ATAD2: variants seen among roughly 807,000 people sequenced by gnomAD.
The protein encoded by ATAD2 is ATPase family AAA domain-containing protein 2.
In ATAD2, 62 loss-of-function variants were observed where a neutral mutation model predicts 168.9. That is an observed-to-expected ratio of 0.37 (90% confidence interval 0.30 to 0.45). The LOEUF (loss-of-function observed/expected upper bound fraction) is 0.45, where lower values mean the gene tolerates loss of function less well. ATAD2 is among the 20% of genes least tolerant of loss of function. The pLI, the probability that ATAD2 is intolerant of heterozygous loss-of-function variation, is 1.00. For synonymous variants in ATAD2, 613 were observed against 571.6 expected (o/e 1.07, Z -1.03); for missense variants, 1,419 against 1,667.8 (o/e 0.85, Z 2.60).
intron 7 of ATAD2, 119 bp downstream of exon 7, chr8:123,369,702 G>C (rs1829080913): frequency 1.2e-6 from 1 of 821,498 alleles, no homozygotes; most frequent in South Asian, 1.8e-5. Context: ...CAACAGTAAT[G>C]AGTATTCAAC....
At chr8:123,356,643 T>G (rs995574140) in intron 12 of ATAD2, among the ~76,000 whole-genome samples, 166 bp from the exon 13 acceptor site, 5 of 151,674 alleles carry the variant, frequency 3.3e-5, no homozygotes, top group African/African-American at 7.3e-5. Flanking sequence ...TTACCAGAAT[T>G]TATATATAAT....
chr8:123,364,664 A>G (rs1000323600), intron 8 of ATAD2, among the ~76,000 whole-genome samples: 1 of 152,210 alleles, frequency 6.6e-6, no homozygotes, highest in African/African-American at 2.4e-5. Flanking sequence ...AACAGAATTA[A>G]AAACAAAAAT....
rs369653035 is a variant in ATAD2 at position 123,328,309 on chromosome 8, T to G, written c.3749A>C (p.Asn1250Thr). 1.2e-6 allele frequency: 2 copies of G among 1,606,196 alleles called. No homozygotes were observed. Among genetic ancestry groups the G allele is most frequent in the Non-Finnish European group, 1.7e-6 (2 of 1,177,414 alleles). Residue 1250 changes from asparagine (N) to threonine (T), a missense_variant, in exon 25 of 28, where the codon AAT becomes ACT. Coordinates refer to ENST00000287394, the MANE Select transcript of ATAD2 (RefSeq NM_014109.4). ...RNNSNTCNIENELEDSRKTTA... is the reference protein window; with the variant it reads ...RNNSNTCNIETELEDSRKTTA... ...AGTCTTCCTAGAGTCTTCAAGCTCA[T>G]TCTCTATATTACAAGTATTTGAATT...
intron 25 of ATAD2, among the ~76,000 whole-genome samples, chr8:123,326,896 T>G (rs1376516245): frequency 6.6e-6 from 1 of 151,956 alleles, no homozygotes; most frequent in African/African-American, 2.4e-5. Flanking sequence ...CCAGGAGAGG[T>G]GAAGAGACTT....
chr8:123,396,454 A>C, upstream of ATAD2: 1 of 1,310,158 alleles, frequency 7.6e-7, no homozygotes, highest in Non-Finnish European at 1.0e-6. Flanking sequence ...TTCTGGCGCC[A>C]CAAGCTCCGC....
intron 1 of ATAD2, chr8:123,401,605 C>G (rs1357873338): frequency 1.0e-5 from 12 of 1,179,712 alleles, no homozygotes; most frequent in Non-Finnish European, 1.5e-5. Flanking sequence ...CCCCAGGGCA[C>G]TGTGTGTACA....
At chr8:123,353,365 AAACAAC>A (rs554418047) in intron 13 of ATAD2, among the ~76,000 whole-genome samples, 4 of 152,032 alleles carry the variant, frequency 2.6e-5, no homozygotes, top group East Asian at 3.9e-4. Flanking sequence ...CTCTGTCACA[AAACAAC>A]AACAACAACA....
At position 123,396,321 on chromosome 8, in the gene ATAD2, G is replaced by C. The variant is rs767100869; in HGVS notation, c.37C>G (p.His13Asp). Reference sequence around the variant, plus strand: ...GAGCCCGTGGCCGAGGCCGCGGAGTGGTTGTGCAGCTCCAAGCTGCTGCGG... The same window carrying C: ...GAGCCCGTGGCCGAGGCCGCGGAGTCGTTGTGCAGCTCCAAGCTGCTGCGG... The part of the protein sequence containing the change: ...VLRSSLELHN[H>D]SAASATGSLD... The change falls in exon 1 of 28, where the codon CAC becomes GAC. Residue 13 changes from histidine (H) to aspartate (D), a missense_variant. His to Asp is a moderately conservative substitution (Grantham distance 81, BLOSUM62 -1). Around this residue, in one of 5 missense-constraint regions of ATAD2, gnomAD observed 419 missense variants for 423.5 expected, o/e 0.99. Coordinates refer to ENST00000287394, the MANE Select transcript of ATAD2 (RefSeq NM_014109.4). The C allele has an allele frequency of 1.0e-5, 16 of 1,607,214 alleles. No individual in the cohort carries two copies. Among genetic ancestry groups the C allele is most frequent in the Middle Eastern group, 3.4e-4 (2 of 5,962 alleles).
chr8:123,372,656 T>C lies in ATAD2; in HGVS notation c.351A>G (p.Lys117=). Residue 117 remains lysine (K), a synonymous_variant, in exon 3 of 28, where the codon AAA becomes AAG. Coordinates refer to ENST00000287394, the MANE Select transcript of ATAD2 (RefSeq NM_014109.4). The part of the protein sequence containing the change: ...RQLARQQADK[K]KEEHREDKVI... ...ACTTACCTTCTCTGTGCTCTTCTTTTTTTTTATCAGCCTGCTGTCTGGCCA... is the reference window on the plus strand; with the variant it reads ...ACTTACCTTCTCTGTGCTCTTCTTTCTTTTTATCAGCCTGCTGTCTGGCCA... 1 of 1,593,626 alleles carries C rather than the reference T, an allele frequency of 6.3e-7. No individual in the cohort carries two copies. Among genetic ancestry groups the C allele is most frequent in the Non-Finnish European group, 8.5e-7 (1 of 1,171,168 alleles).
At chr8:123,336,280 A>G (rs955628131) in intron 22 of ATAD2, 93 bp downstream of exon 22, 4 of 1,099,538 alleles carry the variant, frequency 3.6e-6, no homozygotes, top group Non-Finnish European at 5.1e-6. Context: ...TATTTTGATT[A>G]TGTTTATAAT....
At chr8:123,395,437 CTA>C (rs1011344255) in intron 1 of ATAD2, among the ~76,000 whole-genome samples, 4 of 152,190 alleles carry the variant, frequency 2.6e-5, no homozygotes, top group Non-Finnish European at 5.9e-5. Flanking sequence ...CAAACTTCCC[CTA>C]TAGACACTGC....
At position 123,320,208 on chromosome 8, in the gene ATAD2, C is replaced by T. The variant is rs961774428; in HGVS notation, c.*926G>A. 6.6e-6 allele frequency: 1 copy of T among 152,042 alleles called. No individual in the cohort carries two copies. Among genetic ancestry groups the T allele is most frequent in the Non-Finnish European group, 1.5e-5 (1 of 68,002 alleles). 9.4% of individuals were successfully genotyped at this position (152,042 alleles called of 1,614,324 possible). ...CCCCTCAAAAGGTTTCCAACAGAAG[C>T]TATTTCACAAACTGATTATTAGAAT... On this transcript the variant is annotated 3_prime_UTR_variant, in exon 28 of 28. Coordinates refer to ENST00000287394, the MANE Select transcript of ATAD2 (RefSeq NM_014109.4).
intron 19 of ATAD2, 128 bp from the exon 20 acceptor site, chr8:123,339,574 C>G: frequency 1.2e-6 from 1 of 853,710 alleles, no homozygotes. Context: ...TGTCCCTCCA[C>G]TTAACAATCG....
intron 2 of ATAD2, among the ~76,000 whole-genome samples, chr8:123,380,241 C>T (rs202057986): frequency 4.6e-5 from 7 of 151,756 alleles, no homozygotes; most frequent in Admixed American, 2.6e-4. Context: ...TTAGTAGAGA[C>T]GGGGTTTCTC....
At position 123,334,342 on chromosome 8, in the gene ATAD2, T is replaced by G. The variant is rs758982931; in HGVS notation, c.3212-20A>C. On this transcript the variant is annotated intron_variant, in intron 22 of 27. Coordinates refer to ENST00000287394, the MANE Select transcript of ATAD2 (RefSeq NM_014109.4). ...GACGATCTATGAAGTGAGTAAAAAA[T>G]GTAATTTTTAATTTCCCCCTTTTAA... The G allele has an allele frequency of 6.8e-7, 1 of 1,477,490 alleles. No homozygotes were observed. Among genetic ancestry groups the G allele is most frequent in the Non-Finnish European group, 9.0e-7 (1 of 1,115,924 alleles). 91.5% of individuals were successfully genotyped at this position (1,477,490 alleles called of 1,614,324 possible). A position where few individuals can be genotyped will look rare whatever the true frequency, so the allele number is the denominator to read the frequency against.
chr8:123,358,624 G>A (rs1242595571), intron 11 of ATAD2, among the ~76,000 whole-genome samples: 5 of 151,758 alleles, frequency 3.3e-5, no homozygotes, highest in Admixed American at 3.3e-4. Context: ...GGGATTACAG[G>A]CATAAGCCAT....
intron 26 of ATAD2, among the ~76,000 whole-genome samples, 157 bp from the exon 27 acceptor site, chr8:123,323,223 A>C (rs1191879186): frequency 6.6e-6 from 1 of 152,212 alleles, no homozygotes; most frequent in Non-Finnish European, 1.5e-5. Context: ...TCTGACATTT[A>C]AATGTACTTA....
intron 24 of ATAD2, among the ~76,000 whole-genome samples, chr8:123,333,651 C>T (rs1336942360): frequency 6.6e-6 from 1 of 152,144 alleles, no homozygotes; most frequent in Non-Finnish European, 1.5e-5. Flanking sequence ...AATTTACAGA[C>T]ATCAGTTTCA....
At chr8:123,396,487 C>T (rs1420604084), upstream of ATAD2, 2 of 959,624 alleles carry the variant, frequency 2.1e-6, no homozygotes, top group African/African-American at 3.4e-5. Context: ...AGCGCGCGCG[C>T]CCAGAATCCC....
Sources: gnomAD v4.1 joint callset for allele counts (sites outside exome capture counted in the v4.1 genomes callset) on GRCh38, gnomAD v4.1.1 for gene constraint, gnomAD v4.1.1 regional missense constraint, MANE v1.5 for transcripts, NCBI Gene and HGNC (gene_info 2026-07-23, HGNC 2026-07-21) for gene names.